Variants in CHEK2 observed in about 807,000 individuals in gnomAD.
The protein encoded by CHEK2 is serine/threonine-protein kinase Chk2.
CHEK2 carries 71 observed loss-of-function variants against 69.1 expected under a neutral mutation model. The ratio of observed to expected loss-of-function variants is 1.03; its 90% CI spans 0.85 to 1.25. The LOEUF is 1.25. Ranked by LOEUF, CHEK2 falls within the 50% of genes most tolerant of loss-of-function variation. The pLI, the probability that CHEK2 is intolerant of heterozygous loss-of-function variation, is 0.00. For synonymous variants in CHEK2, 189 were observed against 226.9 expected (o/e 0.83, Z 1.50); for missense variants, 664 against 649.6 (o/e 1.02, Z -0.24).
At chr22:28,737,664 G>C (rs1045830428) in intron 1 of CHEK2, among the ~76,000 whole-genome samples, 1 of 151,524 alleles carries the variant, frequency 6.6e-6, no homozygotes, top group Non-Finnish European at 1.5e-5. Context: ...GTAGAGACAG[G>C]GTTTTCACCG....
intron 13 of CHEK2, among the ~76,000 whole-genome samples, chr22:28,691,183 T>G (rs1248851286): frequency 2.0e-5 from 3 of 149,076 alleles, no homozygotes; most frequent in Non-Finnish European, 4.4e-5. Flanking sequence ...GGCCTGTATT[T>G]AAAACAAGTA....
chr22:28,704,973 A>G (rs2053053771), intron 7 of CHEK2, among the ~76,000 whole-genome samples: 1 of 152,158 alleles, frequency 6.6e-6, no homozygotes, highest in Admixed American at 6.5e-5. Context: ...TGGAAGCATA[A>G]TGCTGAATGA....
chr22:28,728,638 GC>G (rs1205411991), intron 2 of CHEK2, among the ~76,000 whole-genome samples: 2 of 152,106 alleles, frequency 1.3e-5, no homozygotes, highest in African/African-American at 4.8e-5. Context: ...TGAGGCAGAG[GC>G]TGCAGTGAGC....
intron 4 of CHEK2, chr22:28,721,661 G>C (rs1468510686): frequency 2.2e-6 from 1 of 454,648 alleles, no homozygotes; most frequent in Non-Finnish European, 4.5e-6. Flanking sequence ...AAATATGTGA[G>C]GTAATGCATG....
intron 4 of CHEK2, among the ~76,000 whole-genome samples, chr22:28,722,506 C>G (rs1387477205): frequency 3.0e-5 from 4 of 133,706 alleles, no homozygotes; most frequent in African/African-American, 1.1e-4. Flanking sequence ...TGCCACTGCA[C>G]TCCAGCCTGG....
In CHEK2 at chr22:28,700,062, A is replaced by T. The variant is rs2052778646; in HGVS notation, c.909-125T>A. 1.2e-5 allele frequency: 8 copies of T among 688,668 alleles called. No individual in the cohort carries two copies. The East Asian group carries it at 1.7e-4, about 15-fold the overall frequency. 42.7% of individuals were successfully genotyped at this position (688,668 alleles called of 1,614,324 possible). ...CAGTTGACATTTTTATTCACTTTTGACTCTCATTTTTAAAACTAATAAGGT... is the reference window on the plus strand; with the variant it reads ...CAGTTGACATTTTTATTCACTTTTGTCTCTCATTTTTAAAACTAATAAGGT... On this transcript the variant is annotated intron_variant, in intron 8 of 14. Coordinates refer to ENST00000404276, the MANE Select transcript of CHEK2 (RefSeq NM_007194.4).
chr22:28,737,769 T>A (rs2054455689), intron 1 of CHEK2: 1 of 153,520 alleles, frequency 6.5e-6, no homozygotes, highest in Non-Finnish European at 1.5e-5. Context: ...TGAGCCACCA[T>A]GCCCAGCCAT....
At chr22:28,707,584 T>C (rs939086043) in intron 7 of CHEK2, among the ~76,000 whole-genome samples, 1 of 152,164 alleles carries the variant, frequency 6.6e-6, no homozygotes, top group South Asian at 2.1e-4. Flanking sequence ...AATCTCTGAC[T>C]CCAAAGGTCA....
intron 1 of CHEK2, among the ~76,000 whole-genome samples, chr22:28,735,760 T>C (rs2054384428): frequency 6.6e-6 from 1 of 151,724 alleles, no homozygotes; most frequent in Admixed American, 6.6e-5. Context: ...CAGGCGCCTG[T>C]AGTTCCAGCT....
rs372874441 is a variant in CHEK2 at position 28,725,287 on chromosome 22, C to G, written c.400G>C (p.Asp134His). Residue 134 changes from aspartate to histidine, a missense_variant, in exon 3 of 15, where the codon GAT becomes CAT. By Grantham distance (81) the Asp-to-His change is moderately conservative. Coordinates refer to ENST00000404276, the MANE Select transcript of CHEK2 (RefSeq NM_007194.4). ...TTCTTGCTGTATGTTCGGTATTTAT[C>G]TGTTCTTTTCAGCAGTGGTTCATCA... ...CFDEPLLKRTDKYRTYSKKHF... is the reference protein window; with the variant it reads ...CFDEPLLKRTHKYRTYSKKHF... 1.1e-5 allele frequency: 18 copies of G among 1,613,968 alleles called. No individual in the cohort carries two copies. The highest frequency in any genetic ancestry group is 2.2e-5 in the South Asian group (2 of 91,082).
intron 9 of CHEK2, among the ~76,000 whole-genome samples, chr22:28,698,583 C>G (rs375051202): frequency 1.3e-5 from 2 of 152,138 alleles, no homozygotes. Context: ...TCGATCCTCA[C>G]TCTGTACAAG....
intron 11 of CHEK2, 140 bp downstream of exon 11, chr22:28,695,560 GGTGGGAGGAT>G: frequency 1.4e-6 from 1 of 733,202 alleles, no homozygotes. Flanking sequence ...GGGAGGCTGA[GGTGGGAGGAT>G]CACTTGACCC....
chr22:28,691,554 G>A (rs75759983), intron 13 of CHEK2, among the ~76,000 whole-genome samples: 4,779 of 107,672 alleles, frequency 0.044, no homozygotes, highest in South Asian at 0.089. Flanking sequence ...AAATTAGCCA[G>A]GAACAGTGGC....
chr22:28,702,511 TACAG>T (rs1221060124), intron 8 of CHEK2, among the ~76,000 whole-genome samples: 1 of 150,862 alleles, frequency 6.6e-6, no homozygotes, highest in East Asian at 1.9e-4. Flanking sequence ...GTGCTGGGAT[TACAG>T]ATGTGAGCCA....
Position 28,736,899 on chromosome 22 carries a change from T to C in CHEK2, c.-6-2172A>G, listed in dbSNP as rs1346746652. Among the ~76,000 whole-genome samples the C allele has an allele frequency of 2.6e-5, 4 of 151,830 alleles. No individual in the cohort carries two copies. In the East Asian group the frequency reaches 5.8e-4, roughly 22 times the overall value. ...TGAAGGCTGCAGTGAGCTATGATCA[T>C]ACCACTTACATACCAGCCTGGGTGG... On this transcript the variant is annotated intron_variant, in intron 1 of 14. Transcript: ENST00000404276.
chr22:28,688,776 A>C (rs2145745024), intron 14 of CHEK2, among the ~76,000 whole-genome samples: 1 of 152,356 alleles, frequency 6.6e-6, no homozygotes, highest in East Asian at 1.9e-4. Context: ...ATACTCACAA[A>C]GAACTTTAAA....
At chr22:28,724,869 T>G in intron 4 of CHEK2, 108 bp downstream of exon 4, 1 of 1,190,606 alleles carries the variant, frequency 8.4e-7, no homozygotes, top group African/African-American at 1.5e-5. Flanking sequence ...CCCAGCAACT[T>G]ACTCATCTTT....
intron 4 of CHEK2, among the ~76,000 whole-genome samples, chr22:28,723,773 C>T (rs190711988): frequency 5.3e-5 from 8 of 151,828 alleles, no homozygotes; most frequent in African/African-American, 1.7e-4. Context: ...CATGGTAAAA[C>T]CCCGTCTCTA....
chr22:28,714,004 G>A (rs2053501611), intron 5 of CHEK2, among the ~76,000 whole-genome samples: 1 of 152,054 alleles, frequency 6.6e-6, no homozygotes, highest in East Asian at 1.9e-4. Flanking sequence ...TTTAAATTGG[G>A]GAATTTATAT....
Sources: allele counts gnomAD v4.1 joint callset (sites outside exome capture counted in the v4.1 genomes callset), GRCh38; gene constraint gnomAD v4.1.1; transcripts MANE v1.5; gene names NCBI Gene and HGNC (gene_info 2026-07-23, HGNC 2026-07-21).